The following FAM151B variants were observed in gnomAD, a reference collection of about 807,000 sequenced individuals.
FAM151B encodes family with sequence similarity 151 member B, also known as protein FAM151B.
FAM151B carries 24 observed loss-of-function variants against 31.2 expected under a neutral mutation model. The observed-to-expected ratio is 0.77, with a 90% CI of 0.56 to 1.08. FAM151B has a LOEUF of 1.08. Among genes scored for constraint, FAM151B ranks in the 50% least tolerant of loss-of-function variants. The pLI, the probability that FAM151B is intolerant of heterozygous loss-of-function variation, is 0.00. For missense variants in FAM151B, 293 were observed against 328.6 expected (o/e 0.89, Z 0.84); for synonymous variants, 105 against 111.4 (o/e 0.94, Z 0.36).
Position 80,517,484 on chromosome 5 carries a change from TCAAGTTTTAGAAAATAAG to T in FAM151B, c.318-2208_318-2191del, listed in dbSNP as rs777655925. ...CCAGAAGAACTTTAGAATTACTTCG[TCAAGTTTTAGAAAATAAG>T]AACTACAACAACAAAAAGTTTTTGG... On this transcript the variant is annotated intron_variant, in intron 3 of 5. Coordinates refer to ENST00000282226, the MANE Select transcript of FAM151B (RefSeq NM_205548.3). Among the ~76,000 whole-genome samples the T allele has an allele frequency of 1.8e-4, 27 of 152,324 alleles. No individual in the cohort carries two copies. In the East Asian group the frequency reaches 1.9e-3, roughly 11 times the overall value.
chr5:80,538,509 TTTCTTTCCTTCCTTCCTTCC>T (rs1561383961), intron 5 of FAM151B, among the ~76,000 whole-genome samples: 22 of 104,956 alleles, frequency 2.1e-4, no homozygotes, highest in African/African-American at 8.3e-4. Flanking sequence ...CTTTCTTTTC[TTTCTTTCCTTCCTTCCTTCC>T]TTCCTTCCTT....
rs368194590 is a variant in FAM151B, at chr5:80,494,179, C to T, written c.25+6031C>T. ...GCCACAACATTCCCTTAAGCCAAAG[C>T]CTAATCCAGAGTAAGGCCCTAACTC... On this transcript the variant is annotated intron_variant, in intron 1 of 5. Transcript: ENST00000282226. Among the ~76,000 whole-genome samples, 17 of 152,310 alleles carry T rather than the reference C, an allele frequency of 1.1e-4. 1 individual carries two copies. The highest frequency in any genetic ancestry group is 3.8e-4 in the African/African-American group (16 of 41,580).
chr5:80,521,202 G>A (rs1476103113), intron 4 of FAM151B, among the ~76,000 whole-genome samples: 1 of 140,446 alleles, frequency 7.1e-6, no homozygotes, highest in African/African-American at 2.7e-5. Flanking sequence ...ATGGCTCACT[G>A]CACCTTCAAC....
At chr5:80,517,785 A>G (rs1450577263) in intron 3 of FAM151B, among the ~76,000 whole-genome samples, 4 of 152,072 alleles carry the variant, frequency 2.6e-5, no homozygotes, top group Non-Finnish European at 5.9e-5. Flanking sequence ...TTGAAACTGG[A>G]TATTGGCCAG....
intron 1 of FAM151B, among the ~76,000 whole-genome samples, chr5:80,489,322 A>C (rs1022321638): frequency 6.6e-6 from 1 of 152,166 alleles, no homozygotes; most frequent in African/African-American, 2.4e-5. Context: ...GGATCAAAGG[A>C]TGTGAACTTT....
chr5:80,539,740 C>T (rs1469835275), intron 5 of FAM151B, among the ~76,000 whole-genome samples: 1 of 151,626 alleles, frequency 6.6e-6, no homozygotes, highest in Non-Finnish European at 1.5e-5. Context: ...AATCGGCCTG[C>T]CTCGGCCTCC....
intron 2 of FAM151B, among the ~76,000 whole-genome samples, chr5:80,504,098 C>G (rs999901203): frequency 6.6e-6 from 1 of 152,114 alleles, no homozygotes; most frequent in Non-Finnish European, 1.5e-5. Context: ...ATCTCTCATG[C>G]GTCTCAAATT....
Position 80,542,042 on chromosome 5 carries a change from C to A in FAM151B, c.*210C>A. 1.9e-6 allele frequency: 1 copy of A among 513,114 alleles called. No homozygotes were observed. Among genetic ancestry groups the A allele is most frequent in the East Asian group, 3.5e-5 (1 of 28,800 alleles). 31.8% of individuals were successfully genotyped at this position (513,114 alleles called of 1,614,324 possible). Reference sequence around the variant, plus strand: ...TGGAAAGAAGAGATTTATTTACACACGTGGCCTAGTCTAATAATAATTCAG... The same window carrying A: ...TGGAAAGAAGAGATTTATTTACACAAGTGGCCTAGTCTAATAATAATTCAG... On this transcript the variant is annotated 3_prime_UTR_variant, in exon 6 of 6. Transcript: ENST00000282226.
At chr5:80,520,635 ACT>A (rs1744658643) in intron 4 of FAM151B, among the ~76,000 whole-genome samples, 2 of 140,780 alleles carry the variant, frequency 1.4e-5, no homozygotes, top group Non-Finnish European at 3.1e-5. Context: ...ACAGAGTGAG[ACT>A]CTGTCTCAAA....
Position 80,519,757 on chromosome 5 carries a change from G to A in FAM151B, c.382G>A (p.Val128Ile). Residue 128 changes from valine (V) to isoleucine (I), a missense_variant, in exon 4 of 6, where the codon GTA (valine) becomes ATA (isoleucine). Transcript: ENST00000282226. ...TGTGAAGAGGCATCTGAAGCGTCCT[G>A]TATGGATTAATGCCGATATTCTTCC... ...ENVKRHLKRP[V>I]WINADILPGP... 1 of 1,614,148 alleles carries A rather than the reference G, an allele frequency of 6.2e-7. No individual in the cohort carries two copies. Among genetic ancestry groups the A allele is most frequent in the Non-Finnish European group, 8.5e-7 (1 of 1,180,018 alleles).
chr5:80,513,800 G>T, intron 3 of FAM151B, 31 bp downstream of exon 3: 1 of 1,569,400 alleles, frequency 6.4e-7, no homozygotes, highest in Non-Finnish European at 8.6e-7. Context: ...AATTTTCTGG[G>T]AAAAAAGTAA....
intron 2 of FAM151B, among the ~76,000 whole-genome samples, chr5:80,506,630 T>C (rs1364998302): frequency 1.3e-5 from 2 of 152,222 alleles, no homozygotes; most frequent in Non-Finnish European, 2.9e-5. Flanking sequence ...TCCAAAGTGG[T>C]ATATTTAAAC....
chr5:80,510,481 C>G (rs553492044), intron 2 of FAM151B, among the ~76,000 whole-genome samples: 1 of 152,328 alleles, frequency 6.6e-6, no homozygotes, highest in South Asian at 2.1e-4. Context: ...TTTCCACTAC[C>G]TTCTGTTGGT....
At chr5:80,501,010 T>C (rs1743720045) in intron 1 of FAM151B, 1 of 522,438 alleles carries the variant, frequency 1.9e-6, no homozygotes, top group South Asian at 2.2e-5. Flanking sequence ...CATCCATTTT[T>C]ATTTTATTTT....
At chr5:80,512,935 A>G (rs965617846) in intron 2 of FAM151B, among the ~76,000 whole-genome samples, 2 of 152,086 alleles carry the variant, frequency 1.3e-5, no homozygotes, top group African/African-American at 4.8e-5. Flanking sequence ...TGGGATTTCA[A>G]AATTCGAGAT....
At chr5:80,535,988 C>T (rs6885900) in intron 5 of FAM151B, among the ~76,000 whole-genome samples, 1 of 152,034 alleles carries the variant, frequency 6.6e-6, no homozygotes, top group Non-Finnish European at 1.5e-5. Flanking sequence ...TGAAAAGTTG[C>T]TCAACATCAT....
At chr5:80,528,987 G>T (rs1745102514) in intron 5 of FAM151B, among the ~76,000 whole-genome samples, 1 of 152,150 alleles carries the variant, frequency 6.6e-6, no homozygotes, top group African/African-American at 2.4e-5. Flanking sequence ...ATAGTTGGAA[G>T]TGAAGTACTC....
At chr5:80,536,155 AGTTTAGTTTT>A (rs1186471398) in intron 5 of FAM151B, among the ~76,000 whole-genome samples, 2 of 151,864 alleles carry the variant, frequency 1.3e-5, no homozygotes, top group African/African-American at 4.8e-5. Context: ...AGTTTAGTTT[AGTTTAGTTTT>A]GTTTTGTTTT....
intron 2 of FAM151B, among the ~76,000 whole-genome samples, chr5:80,502,291 G>T (rs1486996257): frequency 6.6e-6 from 1 of 152,016 alleles, no homozygotes. Context: ...GAAGCAATTT[G>T]CCTGTTATGT....
Sources: allele counts gnomAD v4.1 joint callset (sites outside exome capture counted in the v4.1 genomes callset), GRCh38; gene constraint gnomAD v4.1.1; transcripts MANE v1.5; gene names NCBI Gene and HGNC (gene_info 2026-07-23, HGNC 2026-07-21).